Variants in HIBADH observed in about 807,000 individuals in gnomAD.
HIBADH encodes 3-hydroxyisobutyrate dehydrogenase.
Under a neutral mutation model 36.1 loss-of-function variants are expected in HIBADH, and 25 were observed. The observed-to-expected ratio is 0.69, with a 90% CI of 0.50 to 0.97. The LOEUF is 0.97. Among genes scored for constraint, HIBADH ranks in the 50% least tolerant of loss-of-function variants. HIBADH has a pLI of 0.00. For synonymous variants in HIBADH, 160 were observed against 149.5 expected (o/e 1.07, Z -0.51); for missense variants, 421 against 418.0 (o/e 1.01, Z -0.06).
At chr7:27,571,979 G>C (rs1244740096) in intron 4 of HIBADH, among the ~76,000 whole-genome samples, 1 of 152,154 alleles carries the variant, frequency 6.6e-6, no homozygotes, top group African/African-American at 2.4e-5. Flanking sequence ...TCTTTAACTA[G>C]CAGGCTTACG....
At chr7:27,638,548 C>T (rs1171537470) in intron 2 of HIBADH, among the ~76,000 whole-genome samples, 2 of 151,970 alleles carry the variant, frequency 1.3e-5, no homozygotes, top group East Asian at 3.9e-4. Context: ...GATTTCAAGA[C>T]AAAGATATCA....
intron 1 of HIBADH, among the ~76,000 whole-genome samples, chr7:27,661,752 T>G (rs967616053): frequency 1.3e-5 from 2 of 151,958 alleles, no homozygotes; most frequent in Admixed American, 1.3e-4. Context: ...CTCTCAAACT[T>G]TCAGTTTGAG....
chr7:27,645,750 T>C (rs953571761), intron 2 of HIBADH, among the ~76,000 whole-genome samples: 9 of 152,160 alleles, frequency 5.9e-5, no homozygotes, highest in Non-Finnish European at 1.2e-4. Context: ...GGGTCATTCA[T>C]ATATCTTCCT....
intron 1 of HIBADH, among the ~76,000 whole-genome samples, chr7:27,658,845 T>C (rs1326809882): frequency 6.6e-6 from 1 of 152,216 alleles, no homozygotes; most frequent in Non-Finnish European, 1.5e-5. Context: ...TCTGCTTTAC[T>C]ATTAACAGTT....
chr7:27,541,875 C>G, intron 5 of HIBADH: 1 of 315,550 alleles, frequency 3.2e-6, no homozygotes, highest in Non-Finnish European at 6.1e-6. Flanking sequence ...ACATTTTATG[C>G]TCAATACTTG....
chr7:27,603,555 G>A (rs1447620663), intron 4 of HIBADH, among the ~76,000 whole-genome samples: 1 of 151,894 alleles, frequency 6.6e-6, no homozygotes, highest in Admixed American at 6.6e-5. Flanking sequence ...TAAAAATCTA[G>A]TATTAAAAAT....
chr7:27,539,812 G>A (rs954299393), intron 5 of HIBADH, among the ~76,000 whole-genome samples: 1 of 152,118 alleles, frequency 6.6e-6, no homozygotes, highest in African/African-American at 2.4e-5. Flanking sequence ...CACATATTTT[G>A]TATATGTATT....
chr7:27,585,840 G>T (rs1278941135), intron 4 of HIBADH, among the ~76,000 whole-genome samples: 1 of 152,008 alleles, frequency 6.6e-6, no homozygotes, highest in Non-Finnish European at 1.5e-5. Context: ...CTAGGTACAT[G>T]ATTTTTTTTT....
At chr7:27,625,477 TAAAAA>T (rs1055258035) in intron 4 of HIBADH, among the ~76,000 whole-genome samples, 2 of 145,518 alleles carry the variant, frequency 1.4e-5, no homozygotes, top group African/African-American at 5.1e-5. Context: ...GAGTTAAACT[TAAAAA>T]AAAAAGCATG....
chr7:27,652,818 A>G (rs1786221709), intron 1 of HIBADH, among the ~76,000 whole-genome samples: 1 of 152,138 alleles, frequency 6.6e-6, no homozygotes, highest in Non-Finnish European at 1.5e-5. Context: ...CTAGCTCCTA[A>G]TATCATTATA....
chr7:27,579,720 A>C (rs1784762505), intron 4 of HIBADH, among the ~76,000 whole-genome samples: 1 of 152,204 alleles, frequency 6.6e-6, no homozygotes, highest in Non-Finnish European at 1.5e-5. Context: ...TAAATGACTA[A>C]CCACATTAAT....
chr7:27,658,620 T>C (rs969319476), intron 1 of HIBADH, among the ~76,000 whole-genome samples: 2 of 152,184 alleles, frequency 1.3e-5, no homozygotes, highest in Non-Finnish European at 2.9e-5. Flanking sequence ...GCATTTTCAT[T>C]GTAGAAAACT....
At chr7:27,600,197 A>C (rs994349482) in intron 4 of HIBADH, among the ~76,000 whole-genome samples, 1 of 152,212 alleles carries the variant, frequency 6.6e-6, no homozygotes, top group African/African-American at 2.4e-5. Flanking sequence ...CTAGAATATA[A>C]CAATCTACCC....
At chr7:27,551,261 C>T (rs1050914318) in intron 4 of HIBADH, among the ~76,000 whole-genome samples, 3 of 152,012 alleles carry the variant, frequency 2.0e-5, no homozygotes, top group Non-Finnish European at 2.9e-5. Context: ...AAGTGAAAAA[C>T]GTGATTGAGT....
intron 4 of HIBADH, among the ~76,000 whole-genome samples, chr7:27,593,742 A>G (rs532793113): frequency 1.3e-5 from 2 of 152,306 alleles, no homozygotes; most frequent in African/African-American, 4.8e-5. Flanking sequence ...AAAAGGCACA[A>G]AATGATCATT....
chr7:27,586,980 A>G (rs1784875141), intron 4 of HIBADH, among the ~76,000 whole-genome samples: 1 of 152,180 alleles, frequency 6.6e-6, no homozygotes, highest in Non-Finnish European at 1.5e-5. Context: ...ATGCTGCGCA[A>G]CGTGCCACCC....
At chr7:27,645,382 T>TTTTTGTTTGTTTTGTTTTTG (rs1554300967) in intron 2 of HIBADH, among the ~76,000 whole-genome samples, 15 of 129,102 alleles carry the variant, frequency 1.2e-4, no homozygotes, top group African/African-American at 4.4e-4. Flanking sequence ...TTTTTTTTTT[T>TTTTTGTTTGTTTTGTTTTTG]TTTTTTTTTT....
intron 4 of HIBADH, among the ~76,000 whole-genome samples, chr7:27,549,383 C>A (rs755203876): frequency 2.0e-5 from 3 of 152,020 alleles, no homozygotes; most frequent in Non-Finnish European, 2.9e-5. Context: ...TAAATATATA[C>A]AATTTTTGTC....
chr7:27,620,974 T>G (rs1785531683), intron 4 of HIBADH, among the ~76,000 whole-genome samples: 1 of 151,008 alleles, frequency 6.6e-6, no homozygotes, highest in African/African-American at 2.4e-5. Flanking sequence ...ATCCAACTGC[T>G]TACAAGAAAC....
Sources: allele counts gnomAD v4.1 joint callset (sites outside exome capture counted in the v4.1 genomes callset), GRCh38; gene constraint gnomAD v4.1.1; transcripts MANE v1.5; gene names NCBI Gene and HGNC (gene_info 2026-07-23, HGNC 2026-07-21).